USP6NL: variants seen among roughly 807,000 people sequenced by gnomAD.
USP6NL encodes the protein USP6 N-terminal like.
A neutral mutation model predicts 61.9 loss-of-function variants in USP6NL; 26 were observed. That is an observed-to-expected ratio of 0.42 (90% CI 0.31 to 0.58). The LOEUF (loss-of-function observed/expected upper bound fraction) is 0.58. USP6NL is among the 20% of genes least tolerant of loss of function. The probability of loss-of-function intolerance (pLI) is 0.16; values close to 1 mark genes in which losing one functional copy is unlikely to be tolerated. For synonymous variants in USP6NL, 432 were observed against 390.1 expected, an observed-to-expected ratio of 1.11 and a Z score of -1.27; for missense variants, 1,114 against 1,034.3, an observed-to-expected ratio of 1.08 and a Z score of -1.06.
In USP6NL at chr10:11,553,732, C is replaced by T. The variant is rs369255136; in HGVS notation, c.5-26165G>A. On this transcript the variant is annotated intron_variant, in intron 2 of 14. Transcript: ENST00000609104. This position sits in a 1 kb window ranked among gnomAD's most constrained non-coding sequence, Gnocchi z 4.8. ...CCAACATGATGAAACCCCGTCTCTA[C>T]TAAAAATACAAAAATTAGCAAGGCA... Among the ~76,000 whole-genome samples the T allele has an allele frequency of 2.0e-5, 3 of 152,006 alleles. No individual in the cohort carries two copies. The highest frequency in any genetic ancestry group is 4.2e-4 in the South Asian group (2 of 4,808).
Position 11,495,060 on chromosome 10 carries a change from T to TA in USP6NL, c.385-1833dup, listed in dbSNP as rs1260246041. Among the ~76,000 whole-genome samples, 3 of 152,234 alleles carry TA rather than the reference T, an allele frequency of 2.0e-5. No homozygotes were observed. The highest frequency in any genetic ancestry group is 4.4e-5 in the Non-Finnish European group (3 of 68,032). ...TTTCCCTTGACACTTACGCTACTGCTAGACCTCGGTCCGCCTGGCAACGGG... is the reference window on the plus strand; with the variant it reads ...TTTCCCTTGACACTTACGCTACTGCTAAGACCTCGGTCCGCCTGGCAACGGG... On this transcript the variant is annotated intron_variant, in intron 7 of 14. Coordinates refer to ENST00000609104, the MANE Select transcript of USP6NL (RefSeq NM_014688.5). The surrounding 1 kb of genome is among the most constrained non-coding windows in gnomAD (Gnocchi z 4.6).
At chr10:11,584,408 G>A (rs1190475087) in intron 2 of USP6NL, among the ~76,000 whole-genome samples, 2 of 152,114 alleles carry the variant, frequency 1.3e-5, no homozygotes, top group African/African-American at 4.8e-5. Context: ...AGAGATTTTT[G>A]TAGAGATTCC....
rs1210821627 is a variant in USP6NL, at chr10:11,520,667, T to C, written c.156-2093A>G. On this transcript the variant is annotated intron_variant, in intron 4 of 14. Transcript: ENST00000609104. The surrounding 1 kb of genome is among the most constrained non-coding windows in gnomAD (Gnocchi z 5.2). ...TCTGGGTGAATGCAGAGAATTCCTT[T>C]AGGTCAGCAAACTATGGTGCATAGG... Among the ~76,000 whole-genome samples the C allele has an allele frequency of 2.0e-5, 3 of 152,232 alleles. No individual in the cohort carries two copies. The highest frequency in any genetic ancestry group is 4.4e-5 in the Non-Finnish European group (3 of 68,038).
intron 2 of USP6NL, among the ~76,000 whole-genome samples, chr10:11,555,109 G>T (rs375922777): frequency 0.23 from 19,542 of 84,514 alleles, 1,654 homozygotes; most frequent in East Asian, 0.36. Flanking sequence ...TTTTTTTTTG[G>T]TTTTTTTTTT....
rs906376700 is a variant in USP6NL, at chr10:11,573,856, A to G, written c.4+23775T>C. 2.8e-5 allele frequency: 11 copies of G among 389,664 alleles called. No individual in the cohort carries two copies. In the Admixed American group the frequency reaches 4.9e-4, roughly 17 times the overall value. The allele number at this position is 389,664 out of a possible 1,614,324, so 24.1% of individuals were successfully genotyped here. A position where few individuals can be genotyped will look rare whatever the true frequency, so the allele number is the denominator to read the frequency against. On this transcript the variant is annotated intron_variant, in intron 2 of 14. Transcript: ENST00000609104. ...CTGAAGCAGTTAATAAGAAACAACG[A>G]AAGGATAGGCTGTATCTTCTTGAAA...
Position 11,600,010 on chromosome 10 carries a change from G to C in USP6NL, c.-83-2293C>G, listed in dbSNP as rs997716854. Among the ~76,000 whole-genome samples, 5 of 151,984 alleles carry C rather than the reference G, an allele frequency of 3.3e-5. No homozygotes were observed. The highest frequency in any genetic ancestry group is 7.4e-5 in the Non-Finnish European group (5 of 67,988). ...GTCTACCAATTGTTATATGGAACAA[G>C]GTAGTTGAGCAGCACACAGGAGAAA... On this transcript the variant is annotated intron_variant, in intron 1 of 14. Coordinates refer to ENST00000609104, the MANE Select transcript of USP6NL (RefSeq NM_014688.5). The surrounding 1 kb of genome is among the most constrained non-coding windows in gnomAD (Gnocchi z 4.1).
In USP6NL at chr10:11,462,888, A is replaced by G. The variant is rs762937814; in HGVS notation, c.2040T>C (p.Ser680=). 3 of 1,613,754 alleles carry G rather than the reference A, an allele frequency of 1.9e-6. No homozygotes were observed. The South Asian group carries it at 3.3e-5, about 18-fold the overall frequency. ...TTGGGCGGCTGTAAGATTTCTCCGGAGAAGCACTGACGGAAAGAGTAGAAC... is the reference window on the plus strand; with the variant it reads ...TTGGGCGGCTGTAAGATTTCTCCGGGGAAGCACTGACGGAAAGAGTAGAAC... ...PHGSTLSVSA[S]PEKSYSRPSP... Residue 680 remains serine (S), a synonymous_variant, in exon 15 of 15, where the codon TCT becomes TCC. Transcript: ENST00000609104.
At chr10:11,507,832 A>G (rs1288591261) in intron 6 of USP6NL, among the ~76,000 whole-genome samples, 3 of 152,194 alleles carry the variant, frequency 2.0e-5, no homozygotes, top group African/African-American at 7.2e-5. Flanking sequence ...CCTCACAACA[A>G]GCCTAATGGG....
intron 2 of USP6NL, among the ~76,000 whole-genome samples, chr10:11,557,504 T>C (rs780979242): frequency 6.6e-6 from 1 of 152,236 alleles, no homozygotes; most frequent in Non-Finnish European, 1.5e-5. Flanking sequence ...AAAGATGCCA[T>C]GATTTTAAAT....
intron 14 of USP6NL, among the ~76,000 whole-genome samples, chr10:11,479,557 A>G (rs1039336357): frequency 6.7e-6 from 1 of 149,212 alleles, no homozygotes; most frequent in East Asian, 2.0e-4. Flanking sequence ...TGGCATGTTC[A>G]TGTAGGTGTT....
intron 2 of USP6NL, chr10:11,565,770 T>C (rs1837126219): frequency 6.6e-6 from 1 of 152,160 alleles, no homozygotes; most frequent in Non-Finnish European, 1.5e-5. Context: ...GAAGCCAATA[T>C]GGACAGGAGT....
intron 5 of USP6NL, among the ~76,000 whole-genome samples, chr10:11,512,355 C>A (rs1457621140): frequency 6.6e-6 from 1 of 152,148 alleles, no homozygotes; most frequent in Admixed American, 6.5e-5. Flanking sequence ...CTGCTGGGTC[C>A]ATGTTCTGTC....
Position 11,481,984 on chromosome 10 carries a change from T to C in USP6NL, c.926-62A>G, listed in dbSNP as rs1264461623. 1.3e-6 allele frequency: 2 copies of C among 1,483,678 alleles called. No homozygotes were observed. The highest frequency in any genetic ancestry group is 1.8e-6 in the Non-Finnish European group (2 of 1,111,546). 91.9% of individuals were successfully genotyped at this position (1,483,678 alleles called of 1,614,324 possible). On this transcript the variant is annotated intron_variant, in intron 13 of 14. Coordinates refer to ENST00000609104, the MANE Select transcript of USP6NL (RefSeq NM_014688.5). The surrounding 1 kb of genome is among the most constrained non-coding windows in gnomAD (Gnocchi z 4.4). Reference sequence around the variant, plus strand: ...ATAGCTACTTTAGGTAGGAAGATATTCTATTATATTCAGGTGTAGTGTAAA... The same window carrying C: ...ATAGCTACTTTAGGTAGGAAGATATCCTATTATATTCAGGTGTAGTGTAAA...
Position 11,481,664 on chromosome 10 carries a change from A to G in USP6NL, c.1078+106T>C, listed in dbSNP as rs1004471182. 9 of 1,220,898 alleles carry G rather than the reference A, an allele frequency of 7.4e-6. No homozygotes were observed. The highest frequency in any genetic ancestry group is 2.1e-4 in the Middle Eastern group (1 of 4,684). 75.6% of individuals were successfully genotyped at this position (1,220,898 alleles called of 1,614,324 possible). ...AGGCATTCATCCACATTATGTCATCACAAGTATAATGCTTACGCTGTGGGC... is the reference window on the plus strand; with the variant it reads ...AGGCATTCATCCACATTATGTCATCGCAAGTATAATGCTTACGCTGTGGGC... On this transcript the variant is annotated intron_variant, in intron 14 of 14. Transcript: ENST00000609104. This position sits in a 1 kb window ranked among gnomAD's most constrained non-coding sequence, Gnocchi z 4.4.
intron 8 of USP6NL, among the ~76,000 whole-genome samples, chr10:11,492,023 A>G (rs967832216): frequency 1.3e-5 from 2 of 152,194 alleles, no homozygotes; most frequent in Non-Finnish European, 2.9e-5. Context: ...TTACCTTATC[A>G]TCTAACATAA....
At position 11,520,145 on chromosome 10, in the gene USP6NL, G is replaced by A. The variant is rs1835147242; in HGVS notation, c.156-1571C>T. Among the ~76,000 whole-genome samples the A allele has an allele frequency of 6.6e-6, 1 of 152,114 alleles. No homozygotes were observed. Among genetic ancestry groups the A allele is most frequent in the Admixed American group, 6.6e-5 (1 of 15,266 alleles). On this transcript the variant is annotated intron_variant, in intron 4 of 14. Transcript: ENST00000609104. This position sits in a 1 kb window ranked among gnomAD's most constrained non-coding sequence, Gnocchi z 5.2. ...GAGACTTTTAGCACTAATTCAGTGGGTTCAACTTCATACAGACAAGATCTC... is the reference window on the plus strand; with the variant it reads ...GAGACTTTTAGCACTAATTCAGTGGATTCAACTTCATACAGACAAGATCTC...
At chr10:11,566,112 TG>T (rs1269211447) in intron 2 of USP6NL, among the ~76,000 whole-genome samples, 1 of 152,102 alleles carries the variant, frequency 6.6e-6, no homozygotes, top group African/African-American at 2.4e-5. Flanking sequence ...GAAAATGAGC[TG>T]GGAAGGGCAG....
intron 2 of USP6NL, among the ~76,000 whole-genome samples, chr10:11,578,883 G>A (rs1291815239): frequency 2.0e-5 from 3 of 152,172 alleles, no homozygotes; most frequent in Admixed American, 6.5e-5. Context: ...GCAGTGATGT[G>A]CCACATCTCG....
In USP6NL at chr10:11,481,016, C is replaced by T. The variant is rs1425230894; in HGVS notation, c.1078+754G>A. Among the ~76,000 whole-genome samples the T allele has an allele frequency of 1.3e-5, 2 of 152,140 alleles. No homozygotes were observed. The highest frequency in any genetic ancestry group is 4.8e-5 in the African/African-American group (2 of 41,414). ...TTTTCTTCCCTCCCTTCCTGCACTC[C>T]CCTTCTTCTGCTCCTCTCCCATTTA... On this transcript the variant is annotated intron_variant, in intron 14 of 14. Transcript: ENST00000609104. The surrounding 1 kb of genome is among the most constrained non-coding windows in gnomAD (Gnocchi z 4.4).
Sources: gnomAD v4.1 joint callset for allele counts (sites outside exome capture counted in the v4.1 genomes callset) on GRCh38, gnomAD v4.1.1 for gene constraint, Gnocchi (gnomAD v3.1) non-coding constraint, MANE v1.5 for transcripts, NCBI Gene and HGNC (gene_info 2026-07-23, HGNC 2026-07-21) for gene names.